The following PTPRT variants were observed in gnomAD, a reference collection of about 807,000 sequenced individuals.
PTPRT encodes receptor-type tyrosine-protein phosphatase T.
Under a neutral mutation model 176.8 loss-of-function variants are expected in PTPRT, and 56 were observed. The ratio of observed to expected loss-of-function variants is 0.32; its 90% CI spans 0.26 to 0.40. The LOEUF (loss-of-function observed/expected upper bound fraction) is 0.40. Ranked by LOEUF, PTPRT falls within the 10% of genes least tolerant of loss-of-function variation. The pLI is 1.00. For missense variants in PTPRT, 1,540 were observed against 1,908.2 expected (o/e 0.81, Z 3.60); for synonymous variants, 783 against 739.0 (o/e 1.06, Z -0.96).
intron 9 of PTPRT, among the ~76,000 whole-genome samples, chr20:42,353,396 C>A (rs1398941818): frequency 6.6e-6 from 1 of 152,166 alleles, no homozygotes; most frequent in Non-Finnish European, 1.5e-5. Context: ...ATGGAAGCAA[C>A]TTGCATGCAA....
chr20:42,599,076 T>C (rs186834017), intron 7 of PTPRT, among the ~76,000 whole-genome samples: 1 of 152,120 alleles, frequency 6.6e-6, no homozygotes, highest in Non-Finnish European at 1.5e-5. Context: ...AGGAGTAAGA[T>C]ATTGAGGACC....
chr20:42,603,533 G>C lies in PTPRT; in HGVS notation c.1153+74333C>G, dbSNP rs80062132. 2.8e-3 allele frequency among the ~76,000 whole-genome samples: 423 copies of C among 152,302 alleles called. 2 individuals are homozygous for C. Among genetic ancestry groups the C allele is most frequent in the African/African-American group, 9.9e-3 (411 of 41,570 alleles). On this transcript the variant is annotated intron_variant, in intron 7 of 30. Transcript: ENST00000373187. ...GAGCTTTGAGAGGCTGGTGCGACTA[G>C]ATCTTGCTGGGCCTTGTGGGCCATA...
chr20:42,933,183 C>G (rs1220153976), intron 1 of PTPRT, among the ~76,000 whole-genome samples: 1 of 152,184 alleles, frequency 6.6e-6, no homozygotes, highest in East Asian at 1.9e-4. Flanking sequence ...CCTGGCCAAG[C>G]TAATTCATAC....
intron 1 of PTPRT, among the ~76,000 whole-genome samples, chr20:42,908,501 T>C (rs1365331353): frequency 2.0e-5 from 3 of 152,202 alleles, no homozygotes; most frequent in African/African-American, 7.2e-5. Flanking sequence ...CTCCCCTACA[T>C]TTCTGGACAT....
At chr20:42,966,162 T>C (rs1427766749) in intron 1 of PTPRT, 2 of 152,174 alleles carry the variant, frequency 1.3e-5, no homozygotes, top group Non-Finnish European at 2.9e-5. Flanking sequence ...CCTTTTCGGG[T>C]CGTTTGAACC....
rs1343822853 is a variant in PTPRT, at chr20:42,563,694, T to C, written c.1154-91132A>G. The stretch of plus-strand genomic sequence containing the variant: ...AGGTGATTGGATAAATATGTCTTTA[T>C]CATGGAGAGCTGTTCATATCCTTTT... On this transcript the variant is annotated intron_variant, in intron 7 of 30. Transcript: ENST00000373187. Among the ~76,000 whole-genome samples, 4 of 152,202 alleles carry C rather than the reference T, an allele frequency of 2.6e-5. No individual in the cohort carries two copies. The South Asian group carries it at 6.2e-4, about 24-fold the overall frequency.
In PTPRT at chr20:42,472,553, T is replaced by C; in HGVS notation, c.1163A>G (p.His388Arg). Residue 388 changes from histidine (H) to arginine (R), a missense_variant, in exon 8 of 31, where the codon CAT (histidine) becomes CGT (arginine). By Grantham distance (29) the His-to-Arg change is conservative. Transcript: ENST00000373187. ...TACGATTTCCACGTTCTGTGGGCCA[T>C]GTACCGGATCTGCAAAACATGCAGG... The part of the protein sequence containing the change: ...TTRTKCADPV[H>R]GPQNVEIVDI... 1.2e-6 allele frequency: 2 copies of C among 1,613,804 alleles called. No homozygotes were observed. The highest frequency in any genetic ancestry group is 1.7e-6 in the Non-Finnish European group (2 of 1,179,982).
At chr20:42,069,334 C>T (rs1265874791), downstream of PTPRT, among the ~76,000 whole-genome samples, 2 of 152,206 alleles carry the variant, frequency 1.3e-5, no homozygotes, top group Admixed American at 1.3e-4. Context: ...TTCTTCTAGG[C>T]TCTATAGCAG....
At chr20:42,272,720 C>T (rs577087344) in intron 13 of PTPRT, among the ~76,000 whole-genome samples, 45 of 103,440 alleles carry the variant, frequency 4.4e-4, no homozygotes, top group East Asian at 1.2e-3. Flanking sequence ...CACACGTGCG[C>T]GCACACACAC....
chr20:42,910,759 G>A (rs1237646151), intron 1 of PTPRT, among the ~76,000 whole-genome samples: 2 of 152,156 alleles, frequency 1.3e-5, no homozygotes, highest in East Asian at 3.8e-4. Context: ...TCTTTGAAAT[G>A]ACTTTCAAAA....
chr20:42,065,635 G>A, the PTPRT span, among the ~76,000 whole-genome samples: 20,135 of 152,162 alleles, frequency 0.13, 3,692 homozygotes, highest in African/African-American at 0.42. Context: ...GAAAGAAAAT[G>A]CTAGAGAGTC....
intron 11 of PTPRT, among the ~76,000 whole-genome samples, chr20:42,342,385 C>T (rs923514792): frequency 1.3e-5 from 2 of 152,236 alleles, no homozygotes; most frequent in African/African-American, 4.8e-5. Context: ...AAAGCTACGT[C>T]TTCTCCCAGG....
At chr20:42,285,999 G>A (rs2057224601) in intron 12 of PTPRT, among the ~76,000 whole-genome samples, 1 of 151,530 alleles carries the variant, frequency 6.6e-6, no homozygotes, top group African/African-American at 2.4e-5. Context: ...ACTACCAAAA[G>A]TAATAAAATA....
intron 11 of PTPRT, among the ~76,000 whole-genome samples, chr20:42,344,921 TAC>T (rs937090150): frequency 2.7e-4 from 41 of 152,162 alleles, no homozygotes; most frequent in African/African-American, 9.6e-4. Flanking sequence ...TCTTCTAGGT[TAC>T]ACTCTTCCCT....
chr20:42,462,480 A>T (rs959635777), intron 8 of PTPRT, among the ~76,000 whole-genome samples: 1 of 152,144 alleles, frequency 6.6e-6, no homozygotes, highest in African/African-American at 2.4e-5. Flanking sequence ...TTATGCAAGG[A>T]TGTAACTGGA....
chr20:42,166,532 T>G (rs1261145740), intron 16 of PTPRT, among the ~76,000 whole-genome samples: 1 of 152,254 alleles, frequency 6.6e-6, no homozygotes, highest in East Asian at 1.9e-4. Flanking sequence ...TTTTTAACTT[T>G]GCCTCATTAT....
the PTPRT span, among the ~76,000 whole-genome samples, chr20:42,040,884 C>T: frequency 6.6e-6 from 1 of 152,264 alleles, no homozygotes; most frequent in East Asian, 1.9e-4. Context: ...GCCTAAGCTG[C>T]TCTGATCTTT....
intron 1 of PTPRT, among the ~76,000 whole-genome samples, chr20:43,121,256 A>G (rs2013247296): frequency 6.6e-6 from 1 of 152,188 alleles, no homozygotes; most frequent in African/African-American, 2.4e-5. Flanking sequence ...CCATTCTACT[A>G]TGGGCTTTGG....
At chr20:42,920,504 A>G (rs1167592262) in intron 1 of PTPRT, among the ~76,000 whole-genome samples, 1 of 152,172 alleles carries the variant, frequency 6.6e-6, no homozygotes, top group Non-Finnish European at 1.5e-5. Flanking sequence ...ATGATTGTGT[A>G]CAATGACCAA....
Sources: gnomAD v4.1 joint callset for allele counts (sites outside exome capture counted in the v4.1 genomes callset) on GRCh38, gnomAD v4.1.1 for gene constraint, MANE v1.5 for transcripts, NCBI Gene and HGNC (gene_info 2026-07-23, HGNC 2026-07-21) for gene names.